PACRG: variants seen among roughly 807,000 people sequenced by gnomAD.
PACRG encodes parkin coregulated, also known as parkin coregulated gene protein.
In PACRG, 29 loss-of-function variants were observed where a neutral mutation model predicts 29.7. That is an observed-to-expected ratio of 0.98 (90% CI 0.73 to 1.33). PACRG has a LOEUF of 1.33. Ranked by LOEUF, PACRG falls within the 40% of genes most tolerant of loss-of-function variation. The pLI is 0.00. For missense variants in PACRG, 279 were observed against 316.2 expected (o/e 0.88, Z 0.89); for synonymous variants, 116 against 118.7 (o/e 0.98, Z 0.15).
intron 4 of PACRG, among the ~76,000 whole-genome samples, chr6:163,207,540 AT>A (rs1436721608): frequency 6.6e-6 from 1 of 152,212 alleles, no homozygotes; most frequent in Non-Finnish European, 1.5e-5. Context: ...AGATGTGAGA[AT>A]AGCACATGGA....
chr6:162,750,632 C>T (rs1274770356), intron 1 of PACRG, among the ~76,000 whole-genome samples: 2 of 152,146 alleles, frequency 1.3e-5, no homozygotes, highest in Admixed American at 1.3e-4. Flanking sequence ...CTATGATTTG[C>T]CACAGTTATT....
At chr6:162,727,672 C>T (rs746696823), upstream of PACRG, 14 of 1,581,820 alleles carry the variant, frequency 8.9e-6, no homozygotes, top group Non-Finnish European at 1.2e-5. Context: ...CTATCATGGT[C>T]ACTGGGTAGG....
chr6:162,998,137 AG>A (rs1437412311), intron 2 of PACRG, among the ~76,000 whole-genome samples: 1 of 152,234 alleles, frequency 6.6e-6, no homozygotes, highest in African/African-American at 2.4e-5. Context: ...GCGTCATAAT[AG>A]GGGCAGGCTG....
chr6:163,013,979 G>A (rs1472369830), intron 2 of PACRG, among the ~76,000 whole-genome samples: 2 of 151,228 alleles, frequency 1.3e-5, no homozygotes, highest in Non-Finnish European at 2.9e-5. Context: ...AACCATTTTT[G>A]TCACTGTTAG....
chr6:163,012,510 C>G (rs1223797877), intron 2 of PACRG, among the ~76,000 whole-genome samples: 2 of 152,230 alleles, frequency 1.3e-5, no homozygotes, highest in Admixed American at 6.5e-5. Context: ...CGATTTTAAA[C>G]AACAGATCTG....
At chr6:163,236,352 A>G (rs532058088) in intron 4 of PACRG, among the ~76,000 whole-genome samples, 19 of 152,286 alleles carry the variant, frequency 1.2e-4, no homozygotes, top group African/African-American at 4.6e-4. Context: ...TGACTCACTT[A>G]TGTATACTTA....
At chr6:163,049,379 T>C (rs2128245626) in intron 2 of PACRG, among the ~76,000 whole-genome samples, 1 of 152,140 alleles carries the variant, frequency 6.6e-6, no homozygotes, top group South Asian at 2.1e-4. Context: ...AGAAAATAAA[T>C]CATAAAAGTA....
chr6:162,759,148 C>A (rs1041863530), intron 1 of PACRG, among the ~76,000 whole-genome samples: 4 of 152,186 alleles, frequency 2.6e-5, no homozygotes, highest in African/African-American at 9.6e-5. Flanking sequence ...CAGAGATATT[C>A]AGATGTTTTC....
At chr6:162,790,600 A>G (rs527572011) in intron 1 of PACRG, among the ~76,000 whole-genome samples, 1 of 152,264 alleles carries the variant, frequency 6.6e-6, no homozygotes, top group Non-Finnish European at 1.5e-5. Context: ...CTAGGTCATT[A>G]ATCACCCGTA....
rs76553560 is a variant in PACRG, at chr6:162,873,626, C to T, written c.291+59345C>T. ...GCATGAAACCAGCAATGAAGCAAAC[C>T]AGGATGACCCTCTTAGAGCCCAACT... is the stretch of plus-strand genomic sequence containing the variant. On this transcript the variant is annotated intron_variant, in intron 2 of 4. Transcript: ENST00000366888. Among the ~76,000 whole-genome samples, 225 of 152,126 alleles carry T rather than the reference C, an allele frequency of 1.5e-3. 2 individuals are homozygous for T. The East Asian group carries it at 0.018, about 12-fold the overall frequency.
At chr6:162,898,422 A>G (rs745755212) in intron 2 of PACRG, among the ~76,000 whole-genome samples, 2 of 152,218 alleles carry the variant, frequency 1.3e-5, no homozygotes, top group Admixed American at 6.5e-5. Flanking sequence ...AATGCACCAC[A>G]GGACTGGATA....
chr6:162,889,988 A>G (rs1369066899), intron 2 of PACRG, among the ~76,000 whole-genome samples: 1 of 152,256 alleles, frequency 6.6e-6, no homozygotes, highest in Non-Finnish European at 1.5e-5. Flanking sequence ...GAAATAAACT[A>G]TGTCAAATCG....
intron 1 of PACRG, among the ~76,000 whole-genome samples, chr6:162,796,035 A>C (rs1562605580): frequency 6.6e-6 from 1 of 152,180 alleles, no homozygotes; most frequent in Non-Finnish European, 1.5e-5. Context: ...TTATCTCATC[A>C]TTCCCCAATG....
rs537813115 is a variant in PACRG at position 163,011,121 on chromosome 6, G to C, written c.292-51029G>C. Among the ~76,000 whole-genome samples the C allele has an allele frequency of 1.2e-4, 18 of 152,070 alleles. No homozygotes were observed. In the South Asian group the frequency reaches 2.9e-3, roughly 25 times the overall value. ...GGGGTAGAGAAGAGGAAGAAAAGGG[G>C]CTGGGAGGGTGGGCTTCCTGTCATG... On this transcript the variant is annotated intron_variant, in intron 2 of 4. Transcript: ENST00000366888.
chr6:162,740,663 A>G (rs1780515950), intron 1 of PACRG, among the ~76,000 whole-genome samples: 3 of 146,732 alleles, frequency 2.0e-5, no homozygotes, highest in South Asian at 2.2e-4. Flanking sequence ...GCAGTGGCAT[A>G]ATCTCAGCTC....
intron 4 of PACRG, among the ~76,000 whole-genome samples, chr6:163,161,567 T>C (rs1458665321): frequency 6.6e-6 from 1 of 152,232 alleles, no homozygotes; most frequent in African/African-American, 2.4e-5. Flanking sequence ...ATAACTTATA[T>C]TTTGTACACG....
At chr6:162,898,409 C>T (rs1453125112) in intron 2 of PACRG, among the ~76,000 whole-genome samples, 4 of 152,054 alleles carry the variant, frequency 2.6e-5, no homozygotes, top group South Asian at 2.1e-4. Flanking sequence ...CCTTGTCTAC[C>T]GGAATGCACC....
chr6:162,908,611 G>C (rs182768141), intron 2 of PACRG, among the ~76,000 whole-genome samples: 4 of 152,270 alleles, frequency 2.6e-5, no homozygotes, highest in Admixed American at 2.6e-4. Flanking sequence ...CTCTTTTCAG[G>C]TTCTGTAACC....
At chr6:163,172,650 C>T (rs999107643) in intron 4 of PACRG, among the ~76,000 whole-genome samples, 1 of 152,224 alleles carries the variant, frequency 6.6e-6, no homozygotes, top group African/African-American at 2.4e-5. Context: ...CGAGAACTCA[C>T]ATCTGGGGGC....
Sources: gnomAD v4.1 joint callset for allele counts (sites outside exome capture counted in the v4.1 genomes callset) on GRCh38, gnomAD v4.1.1 for gene constraint, MANE v1.5 for transcripts, NCBI Gene and HGNC (gene_info 2026-07-23, HGNC 2026-07-21) for gene names.